Variants in MYO7B observed in about 807,000 individuals in gnomAD.
MYO7B encodes the protein myosin VIIB.
A neutral mutation model predicts 259.7 loss-of-function variants in MYO7B; 212 were observed. The ratio of observed to expected loss-of-function variants is 0.82; its 90% CI spans 0.73 to 0.91. The LOEUF (loss-of-function observed/expected upper bound fraction) is 0.91. Ranked by LOEUF, MYO7B falls within the 40% of genes least tolerant of loss-of-function variation. The pLI is 0.00. For synonymous variants in MYO7B, 1,197 were observed against 1,166.4 expected, an observed-to-expected ratio of 1.03 and a Z score of -0.54; for missense variants, 2,732 against 2,813.5, an observed-to-expected ratio of 0.97 and a Z score of 0.66.
At chr2:127,536,581 G>T (rs1692789926) in intron 1 of MYO7B, among the ~76,000 whole-genome samples, 1 of 152,074 alleles carries the variant, frequency 6.6e-6, no homozygotes, top group African/African-American at 2.4e-5. Flanking sequence ...TTTCACAGAG[G>T]ACGAAACTTG....
intron 7 of MYO7B, among the ~76,000 whole-genome samples, chr2:127,575,066 A>C (rs1678809768): frequency 6.6e-6 from 1 of 152,096 alleles, no homozygotes; most frequent in African/African-American, 2.4e-5. Context: ...CCACCAACAG[A>C]GGGGCTGTGG....
rs774626439 is a variant in MYO7B at position 127,630,811 on chromosome 2, C to G, written c.4840C>G (p.Leu1614Val). ...TGCCATGTCACCAGAGAAGAGGAAG[C>G]TGGCGGCTCAGGAGGGGCAGTTCAC... ...LLAMSPEKRK[L>V]AAQEGQFTEP... Residue 1614 changes from leucine to valine, a missense_variant, in exon 36 of 48, where the codon CTG becomes GTG. Leu to Val is a conservative substitution (Grantham distance 32). Transcript: ENST00000409816. 5 of 1,613,114 alleles carry G rather than the reference C, an allele frequency of 3.1e-6. No homozygotes were observed. Among genetic ancestry groups the G allele is most frequent in the Non-Finnish European group, 4.2e-6 (5 of 1,179,798 alleles).
intron 47 of MYO7B, 159 bp from the exon 48 acceptor site, chr2:127,637,157 A>T: frequency 1.1e-6 from 1 of 891,116 alleles, no homozygotes; most frequent in Non-Finnish European, 1.8e-6. Flanking sequence ...CAGCTCCAGC[A>T]GGGCAAGCAG....
At position 127,627,605 on chromosome 2, in the gene MYO7B, T is replaced by G; in HGVS notation, c.4460+295T>G. 1.9e-6 allele frequency: 1 copy of G among 528,240 alleles called. No individual in the cohort carries two copies. The highest frequency in any genetic ancestry group is 2.2e-5 in the Admixed American group (1 of 44,504). The allele number at this position is 528,240 out of a possible 1,614,324, so 32.7% of individuals were successfully genotyped here. A position where few individuals can be genotyped will look rare whatever the true frequency, so the allele number is the denominator to read the frequency against. On this transcript the variant is annotated intron_variant, in intron 33 of 47. Coordinates refer to ENST00000409816, the MANE Select transcript of MYO7B (RefSeq NM_001393586.1). This position sits in a 1 kb window ranked among gnomAD's most constrained non-coding sequence, Gnocchi z 5.6. ...GAAGCGTGCAGCCTCTGGCGGGCAC[T>G]TATTTAGAAGGCTCCTTTCTTTGTC...
chr2:127,627,767 C>T lies in MYO7B; in HGVS notation c.4460+457C>T, dbSNP rs930249724. On this transcript the variant is annotated intron_variant, in intron 33 of 47. Coordinates refer to ENST00000409816, the MANE Select transcript of MYO7B (RefSeq NM_001393586.1). The surrounding 1 kb of genome is among the most constrained non-coding windows in gnomAD (Gnocchi z 5.6). ...GGCTGACCCCCACTCCCATGGGTCT[C>T]CATGGATCTCATTGACTGGGAACTT... is the stretch of plus-strand genomic sequence containing the variant. The T allele has an allele frequency of 2.0e-5, 9 of 458,320 alleles. No individual in the cohort carries two copies. Among genetic ancestry groups the T allele is most frequent in the South Asian group, 1.4e-4 (9 of 64,594 alleles). 28.4% of individuals were successfully genotyped at this position (458,320 alleles called of 1,614,324 possible). A position where few individuals can be genotyped will look rare whatever the true frequency, so the allele number is the denominator to read the frequency against.
chr2:127,575,527 A>G (rs1678831504), intron 7 of MYO7B, among the ~76,000 whole-genome samples: 2 of 152,062 alleles, frequency 1.3e-5, no homozygotes, highest in Admixed American at 6.5e-5. Flanking sequence ...TGTTTAGGTG[A>G]AAAAAAAGGA....
At chr2:127,587,568 CTTTTTTT>C (rs61624532) in intron 14 of MYO7B, among the ~76,000 whole-genome samples, 9 of 122,430 alleles carry the variant, frequency 7.4e-5, no homozygotes, top group African/African-American at 2.7e-4. Flanking sequence ...TTCTTTCTTT[CTTTTTTT>C]TTTTTTTTTT....
chr2:127,617,080 A>C (rs574622794), intron 26 of MYO7B, among the ~76,000 whole-genome samples: 16 of 152,308 alleles, frequency 1.1e-4, no homozygotes, highest in African/African-American at 3.8e-4. Flanking sequence ...GCCTGAGTCA[A>C]CATTGCAGAG....
At position 127,548,847 on chromosome 2, in the gene MYO7B, T is replaced by C. The variant is rs1693336229; in HGVS notation, c.-23-10853T>C. On this transcript the variant is annotated intron_variant, in intron 1 of 47. Transcript: ENST00000409816. ...TTTTTCTTCGGACTTACCTGACCCA[T>C]GTGTTATTTAGAAATATGTTTCTTA... 2.0e-5 allele frequency among the ~76,000 whole-genome samples: 3 copies of C among 152,356 alleles called. No individual in the cohort carries two copies. The South Asian group carries it at 6.2e-4, about 32-fold the overall frequency.
At chr2:127,543,323 C>A (rs1693082704) in intron 1 of MYO7B, among the ~76,000 whole-genome samples, 1 of 151,722 alleles carries the variant, frequency 6.6e-6, no homozygotes, top group East Asian at 1.9e-4. Flanking sequence ...GGCCTTCAAG[C>A]ACTTTTTTTT....
rs1007727560 is a variant in MYO7B, at chr2:127,593,593, G to C, written c.2193G>C (p.Trp731Cys). The C allele has an allele frequency of 6.2e-7, 1 of 1,613,616 alleles. No homozygotes were observed. The highest frequency in any genetic ancestry group is 8.5e-7 in the Non-Finnish European group (1 of 1,179,854). The change falls in exon 18 of 48, where the codon TGG becomes TGC. Residue 731 changes from tryptophan to cysteine, a missense_variant. Physicochemically the swap from Trp to Cys is radical, Grantham distance 215 (BLOSUM62 -2). This residue lies in a region of MYO7B where 1,906 missense variants were observed against 2,026.4 expected (regional missense o/e 0.94). Transcript: ENST00000409816. ...TGACCCTGGGCATCACTGACGTGTG[G>C]CTGCGGACAGACAAAGACTGGAAAG... ...RQMTLGITDV[W>C]LRTDKDWKAG... is the part of the protein sequence containing the mutation.
chr2:127,632,219 T>G, intron 38 of MYO7B, 27 bp from the exon 39 acceptor site: 1 of 1,605,426 alleles, frequency 6.2e-7, no homozygotes, highest in Non-Finnish European at 8.5e-7. Flanking sequence ...GAGGGGCCTT[T>G]CCCGGCTGAC....
intron 4 of MYO7B, among the ~76,000 whole-genome samples, chr2:127,566,424 G>A (rs1195224051): frequency 6.6e-6 from 1 of 152,214 alleles, no homozygotes; most frequent in African/African-American, 2.4e-5. Context: ...TATGTTCCCT[G>A]GGAGCTCACC....
Position 127,629,730 on chromosome 2 carries a change from C to G in MYO7B, c.4710C>G (p.Thr1570=). 2 of 1,612,330 alleles carry G rather than the reference C, an allele frequency of 1.2e-6. No individual in the cohort carries two copies. Among genetic ancestry groups the G allele is most frequent in the East Asian group, 2.2e-5 (1 of 44,810 alleles). ...KQGLLASENW[T]LGQNDRTGKT... ...GGCTGCTGGCCTCTGAGAACTGGAC[C>G]CTCGGCCAGAACGACAGGACAGGCA... Residue 1570 remains threonine (T), a synonymous_variant, in exon 35 of 48, where the codon ACC becomes ACG. Coordinates refer to ENST00000409816, the MANE Select transcript of MYO7B (RefSeq NM_001393586.1).
chr2:127,558,334 A>C (rs1360965670), intron 1 of MYO7B, among the ~76,000 whole-genome samples: 1 of 152,230 alleles, frequency 6.6e-6, no homozygotes. Flanking sequence ...ATAATTAAAA[A>C]ATCAAAAAAT....
At chr2:127,537,990 C>A (rs1010654525) in intron 1 of MYO7B, among the ~76,000 whole-genome samples, 36 of 152,122 alleles carry the variant, frequency 2.4e-4, no homozygotes, top group African/African-American at 8.7e-4. Flanking sequence ...TCCTTCACTG[C>A]CAGCTGGGGA....
chr2:127,636,332 T>G lies in MYO7B; in HGVS notation c.6123+8T>G. The G allele has an allele frequency of 1.9e-6, 3 of 1,610,726 alleles. No homozygotes were observed. Among genetic ancestry groups the G allele is most frequent in the Non-Finnish European group, 8.5e-7 (1 of 1,177,806 alleles). ...GCCTTCTTCGAGGTGAAGGTAAACC[T>G]TGCCCCACGCCAGGGCCTCCTACCC... is the stretch of plus-strand genomic sequence containing the variant. On this transcript the variant is annotated splice_region_variant and intron_variant, in intron 45 of 47. Coordinates refer to ENST00000409816, the MANE Select transcript of MYO7B (RefSeq NM_001393586.1). This position sits in a 1 kb window ranked among gnomAD's most constrained non-coding sequence, Gnocchi z 4.5.
Position 127,614,748 on chromosome 2 carries a change from C to A in MYO7B, c.3398+2145C>A, listed in dbSNP as rs1167621837. The stretch of plus-strand genomic sequence containing the variant: ...AATGGGCCACAGATCTCTCTATCCC[C>A]ATGAAGTCCCTTCCAGGAATCACAT... On this transcript the variant is annotated intron_variant, in intron 26 of 47. Transcript: ENST00000409816. The surrounding 1 kb of genome is among the most constrained non-coding windows in gnomAD (Gnocchi z 4.6). Among the ~76,000 whole-genome samples the A allele has an allele frequency of 2.0e-5, 3 of 152,140 alleles. No individual in the cohort carries two copies. Among genetic ancestry groups the A allele is most frequent in the Non-Finnish European group, 4.4e-5 (3 of 68,032 alleles).
intron 19 of MYO7B, among the ~76,000 whole-genome samples, chr2:127,604,295 A>G (rs1037089090): frequency 2.5e-4 from 38 of 152,110 alleles, no homozygotes; most frequent in African/African-American, 9.2e-4. Context: ...TCATGACCCA[A>G]ACTTTGCTAG....
Sources: gnomAD v4.1 joint callset for allele counts (sites outside exome capture counted in the v4.1 genomes callset) on GRCh38, gnomAD v4.1.1 for gene constraint, gnomAD v4.1.1 regional missense constraint, Gnocchi (gnomAD v3.1) non-coding constraint, MANE v1.5 for transcripts, NCBI Gene and HGNC (gene_info 2026-07-23, HGNC 2026-07-21) for gene names.